Variants in SERGEF observed in about 807,000 individuals in gnomAD.
SERGEF encodes the protein secretion regulating guanine nucleotide exchange factor, also known as secretion-regulating guanine nucleotide exchange factor.
Under a neutral mutation model 50.0 loss-of-function variants are expected in SERGEF, and 51 were observed. That is an observed-to-expected ratio of 1.02 (90% CI 0.81 to 1.29). The LOEUF (loss-of-function observed/expected upper bound fraction) is 1.29, where lower values mean the gene tolerates loss of function less well. Among genes scored for constraint, SERGEF ranks in the 50% most tolerant of loss-of-function variants. The pLI is 0.00. For synonymous variants in SERGEF, 205 were observed against 212.4 expected (o/e 0.97, Z 0.30); for missense variants, 521 against 557.0 (o/e 0.94, Z 0.65).
chr11:17,930,484 A>G (rs1381747166), intron 9 of SERGEF, among the ~76,000 whole-genome samples: 2 of 152,192 alleles, frequency 1.3e-5, no homozygotes, highest in African/African-American at 4.8e-5. Context: ...GACTAAGCCT[A>G]CAGATGGAGG....
rs1853901534 is a variant in SERGEF at position 17,998,876 on chromosome 11, A to G, written c.508+1621T>C. ...AGAAACCAATCCTGACAACACAATAATCTTAATACTTTTAGCCTCCAGAAT... is the reference window on the plus strand; with the variant it reads ...AGAAACCAATCCTGACAACACAATAGTCTTAATACTTTTAGCCTCCAGAAT... On this transcript the variant is annotated intron_variant, in intron 5 of 10. Coordinates refer to ENST00000265965, the MANE Select transcript of SERGEF (RefSeq NM_012139.4). Among the ~76,000 whole-genome samples the G allele has an allele frequency of 3.3e-5, 5 of 151,854 alleles. No individual in the cohort carries two copies. In the South Asian group the frequency reaches 1.0e-3, roughly 32 times the overall value.
At chr11:17,858,127 G>GT (rs1849406371) in intron 10 of SERGEF, among the ~76,000 whole-genome samples, 1 of 152,334 alleles carries the variant, frequency 6.6e-6, no homozygotes, top group African/African-American at 2.4e-5. Flanking sequence ...TGAAAGTCGG[G>GT]TAAGGATAGG....
At chr11:17,982,919 A>T (rs980152371) in intron 8 of SERGEF, among the ~76,000 whole-genome samples, 12 of 152,224 alleles carry the variant, frequency 7.9e-5, no homozygotes, top group Non-Finnish European at 1.6e-4. Flanking sequence ...GGAAAGTAGA[A>T]CTAGATTTCT....
At chr11:17,931,912 G>A (rs554219507) in intron 9 of SERGEF, among the ~76,000 whole-genome samples, 7 of 152,288 alleles carry the variant, frequency 4.6e-5, no homozygotes, top group Admixed American at 3.3e-4. Flanking sequence ...GCTGAGGTTT[G>A]AGAGTCACTG....
chr11:17,995,949 A>G (rs1204388665), intron 5 of SERGEF, 40 bp from the exon 6 acceptor site: 2 of 1,425,504 alleles, frequency 1.4e-6, no homozygotes, highest in Non-Finnish European at 2.0e-6. Context: ...GAAGATGCAC[A>G]TCAGGATAAG....
chr11:17,898,129 T>C (rs935536723), intron 9 of SERGEF, among the ~76,000 whole-genome samples: 3 of 152,236 alleles, frequency 2.0e-5, no homozygotes, highest in Non-Finnish European at 2.9e-5. Context: ...TTTAAATAAG[T>C]AGGCAGCAAT....
chr11:17,836,911 G>C (rs562366055), intron 10 of SERGEF, among the ~76,000 whole-genome samples: 1 of 152,292 alleles, frequency 6.6e-6, no homozygotes, highest in East Asian at 1.9e-4. Context: ...CAAAAGAACA[G>C]AGCCCTATCT....
At chr11:17,851,618 A>T (rs1565185245) in intron 10 of SERGEF, among the ~76,000 whole-genome samples, 2 of 152,222 alleles carry the variant, frequency 1.3e-5, no homozygotes, top group East Asian at 1.9e-4. Context: ...GAAGTCAGCC[A>T]TACTAGAAAC....
chr11:17,974,435 T>C (rs1190178896), intron 8 of SERGEF, among the ~76,000 whole-genome samples: 2 of 152,212 alleles, frequency 1.3e-5, no homozygotes, highest in Admixed American at 6.5e-5. Context: ...GGATTTTTCA[T>C]TTCACAGGCT....
intron 8 of SERGEF, among the ~76,000 whole-genome samples, chr11:17,964,618 G>T (rs1410020799): frequency 6.6e-6 from 1 of 152,140 alleles, no homozygotes; most frequent in Non-Finnish European, 1.5e-5. Flanking sequence ...ACAGAGAAAA[G>T]GTCACATGAC....
intron 8 of SERGEF, among the ~76,000 whole-genome samples, chr11:17,976,025 G>A (rs1853365950): frequency 6.6e-6 from 1 of 152,168 alleles, no homozygotes; most frequent in African/African-American, 2.4e-5. Flanking sequence ...CTGTGAAGCA[G>A]ACAAATTAGG....
intron 9 of SERGEF, among the ~76,000 whole-genome samples, chr11:17,950,860 G>GGGA (rs1852760526): frequency 6.6e-6 from 1 of 152,176 alleles, no homozygotes; most frequent in Admixed American, 6.5e-5. Flanking sequence ...GGTGACCCTG[G>GGGA]GCAAAGCCTG....
intron 9 of SERGEF, among the ~76,000 whole-genome samples, chr11:17,934,470 G>T (rs1306485127): frequency 6.6e-6 from 1 of 152,118 alleles, no homozygotes; most frequent in Non-Finnish European, 1.5e-5. Flanking sequence ...TTAATTCATT[G>T]TCCTGTTGAA....
intron 10 of SERGEF, among the ~76,000 whole-genome samples, chr11:17,847,250 T>C (rs761202845): frequency 3.3e-5 from 5 of 152,216 alleles, no homozygotes; most frequent in Non-Finnish European, 7.3e-5. Flanking sequence ...ATGTGGTGCA[T>C]TGCTGCCCAA....
intron 9 of SERGEF, among the ~76,000 whole-genome samples, chr11:17,894,095 C>T (rs1328226102): frequency 1.3e-5 from 2 of 152,150 alleles, no homozygotes; most frequent in Admixed American, 1.3e-4. Flanking sequence ...TATTTAAGAT[C>T]TTCCATGGTC....
At chr11:17,970,979 G>T (rs1429196574) in intron 8 of SERGEF, among the ~76,000 whole-genome samples, 1 of 152,160 alleles carries the variant, frequency 6.6e-6, no homozygotes, top group Non-Finnish European at 1.5e-5. Context: ...CGGATCACGA[G>T]GTCAGGAGAT....
At chr11:17,963,546 C>T (rs1008660444) in intron 8 of SERGEF, among the ~76,000 whole-genome samples, 6 of 151,760 alleles carry the variant, frequency 4.0e-5, no homozygotes, top group African/African-American at 1.5e-4. Flanking sequence ...CACCACCATC[C>T]GGCCAATTTT....
chr11:17,801,826 T>C (rs1276538372), intron 10 of SERGEF, among the ~76,000 whole-genome samples: 2 of 152,168 alleles, frequency 1.3e-5, no homozygotes, highest in Admixed American at 6.5e-5. Context: ...ACTGTGCTTA[T>C]GGTTCGATGG....
chr11:17,874,870 C>T (rs1312306662), intron 10 of SERGEF, among the ~76,000 whole-genome samples: 1 of 151,680 alleles, frequency 6.6e-6, no homozygotes, highest in Admixed American at 6.6e-5. Flanking sequence ...TTCTCTAGCT[C>T]CTGAGATTCC....
Sources: gnomAD v4.1 joint callset for allele counts (sites outside exome capture counted in the v4.1 genomes callset) on GRCh38, gnomAD v4.1.1 for gene constraint, MANE v1.5 for transcripts, NCBI Gene and HGNC (gene_info 2026-07-23, HGNC 2026-07-21) for gene names.